The following DCAF10 variants were observed in gnomAD, a reference collection of about 807,000 sequenced individuals.
DCAF10 encodes DDB1 and CUL4 associated factor 10.
A neutral mutation model predicts 51.9 loss-of-function variants in DCAF10; 19 were observed. The observed-to-expected ratio is 0.37, with a 90% CI of 0.26 to 0.54. The LOEUF is 0.54. Ranked by LOEUF, DCAF10 falls within the 20% of genes least tolerant of loss-of-function variation. DCAF10 has a pLI of 0.87. For synonymous variants in DCAF10, 291 were observed against 297.1 expected, an observed-to-expected ratio of 0.98 and a Z score of 0.21; for missense variants, 510 against 730.6, an observed-to-expected ratio of 0.70 and a Z score of 3.48.
chr9:37,806,222 T>C (rs1053324796), intron 1 of DCAF10, among the ~76,000 whole-genome samples: 1 of 152,248 alleles, frequency 6.6e-6, no homozygotes, highest in Non-Finnish European at 1.5e-5. Context: ...AATATTGATA[T>C]GTCCATAGTG....
chr9:37,863,967 T>C lies in DCAF10; in HGVS notation c.*2459T>C, dbSNP rs1429345313. 1.3e-5 allele frequency: 2 copies of C among 152,186 alleles called. No homozygotes were observed. Among genetic ancestry groups the C allele is most frequent in the Admixed American group, 1.3e-4 (2 of 15,278 alleles). The allele number at this position is 152,186 out of a possible 1,614,324, so 9.4% of individuals were successfully genotyped here. A position where few individuals can be genotyped will look rare whatever the true frequency, so the allele number is the denominator to read the frequency against. ...GCACAGTAAATACATATACTTACCA[T>C]ACATTTTGTAAAAAACACATTTTTT... On this transcript the variant is annotated 3_prime_UTR_variant, in exon 7 of 7. Coordinates refer to ENST00000377724, the MANE Select transcript of DCAF10 (RefSeq NM_024345.5).
intron 1 of DCAF10, among the ~76,000 whole-genome samples, chr9:37,818,382 T>C (rs1401204538): frequency 1.3e-5 from 2 of 152,198 alleles, no homozygotes; most frequent in Non-Finnish European, 2.9e-5. Flanking sequence ...ATTTATTCTA[T>C]CTTATGTACG....
chr9:37,800,611 C>A, upstream of DCAF10: 2 of 1,536,150 alleles, frequency 1.3e-6, no homozygotes, highest in Non-Finnish European at 1.7e-6. Context: ...ACTCTGCCAC[C>A]CAGATCAGGT....
chr9:37,865,745 T>TCCTCAGCACATTTTATACATGTGC lies in DCAF10; in HGVS notation c.*4237_*4238insCCTCAGCACATTTTATACATGTGC. 6.6e-6 allele frequency: 1 copy of TCCTCAGCACATTTTATACATGTGC among 152,186 alleles called. No homozygotes were observed. Among genetic ancestry groups the TCCTCAGCACATTTTATACATGTGC allele is most frequent in the Non-Finnish European group, 1.5e-5 (1 of 68,034 alleles). 9.4% of individuals were successfully genotyped at this position (152,186 alleles called of 1,614,324 possible). A position where few individuals can be genotyped will look rare whatever the true frequency, so the allele number is the denominator to read the frequency against. Reference sequence around the variant, plus strand: ...TTTAAAAATGTGTGTGGGTGGTCTTTTTTCCTCAGAAGCCCAAAGCACATG... The same window carrying TCCTCAGCACATTTTATACATGTGC: ...TTTAAAAATGTGTGTGGGTGGTCTTTCCTCAGCACATTTTATACATGTGCTTTCCTCAGAAGCCCAAAGCACATG... On this transcript the variant is annotated 3_prime_UTR_variant, in exon 7 of 7. Coordinates refer to ENST00000377724, the MANE Select transcript of DCAF10 (RefSeq NM_024345.5).
chr9:37,842,065 G>T, intron 2 of DCAF10, 24 bp from the exon 3 acceptor site: 1 of 1,596,818 alleles, frequency 6.3e-7, no homozygotes, highest in South Asian at 1.1e-5. Flanking sequence ...AATGAACCAG[G>T]GTTTTGTTTT....
intron 3 of DCAF10, among the ~76,000 whole-genome samples, chr9:37,843,593 A>G (rs1262572633): frequency 6.6e-6 from 1 of 152,226 alleles, no homozygotes; most frequent in Non-Finnish European, 1.5e-5. Context: ...AAAGATAATT[A>G]TTTAAAAGAA....
At chr9:37,810,828 T>A (rs1457160872) in intron 1 of DCAF10, among the ~76,000 whole-genome samples, 1 of 152,022 alleles carries the variant, frequency 6.6e-6, no homozygotes, top group Non-Finnish European at 1.5e-5. Flanking sequence ...CAATTTAGGA[T>A]CCGCAATTTA....
chr9:37,850,824 TTTTATA>T lies in DCAF10; in HGVS notation c.852-3954_852-3949del, dbSNP rs1473461026. On this transcript the variant is annotated intron_variant, in intron 3 of 6. Transcript: ENST00000377724. Reference sequence around the variant, plus strand: ...TAAATGCTAAGTATGTGAGGATATATTTTATATATATATATATATATATATATATAT... The same window carrying T: ...TAAATGCTAAGTATGTGAGGATATATTATATATATATATATATATATATAT... Among the ~76,000 whole-genome samples the T allele has an allele frequency of 1.4e-3, 78 of 54,518 alleles. 2 individuals are homozygous for T. The highest frequency in any genetic ancestry group is 4.0e-3 in the African/African-American group (74 of 18,690). 35.8% of individuals were successfully genotyped at this position (54,518 alleles called of 152,430 possible). A position where few individuals can be genotyped will look rare whatever the true frequency, so the allele number is the denominator to read the frequency against.
At chr9:37,858,001 T>C (rs1201864712) in intron 5 of DCAF10, among the ~76,000 whole-genome samples, 1 of 152,222 alleles carries the variant, frequency 6.6e-6, no homozygotes, top group Non-Finnish European at 1.5e-5. Context: ...TATTCTTCTC[T>C]TTGTGAACTG....
At chr9:37,836,339 A>C (rs567183837) in intron 2 of DCAF10, 1 of 1,610,942 alleles carries the variant, frequency 6.2e-7, no homozygotes, top group East Asian at 2.2e-5. Context: ...AGTTACCAGA[A>C]CACATCAAGG....
At position 37,801,372 on chromosome 9, in the gene DCAF10, G is replaced by T; in HGVS notation, c.506G>T (p.Gly169Val). The T allele has an allele frequency of 6.5e-7, 1 of 1,544,474 alleles. No individual in the cohort carries two copies. Among genetic ancestry groups the T allele is most frequent in the Non-Finnish European group, 8.7e-7 (1 of 1,147,194 alleles). ...DSVYLSTRTH[G>V]AVFNLEYSPD... ...GTGTACCTCAGCACCCGCACCCACGGCGCCGTCTTCAACCTCGAGTACTCG... is the reference window on the plus strand; with the variant it reads ...GTGTACCTCAGCACCCGCACCCACGTCGCCGTCTTCAACCTCGAGTACTCG... The change falls in exon 1 of 7, where the codon GGC (glycine) becomes GTC (valine). Residue 169 changes from glycine to valine, a missense_variant. Physicochemically the swap from Gly to Val is moderately radical, Grantham distance 109. Transcript: ENST00000377724. This position sits in a 1 kb window ranked among gnomAD's most constrained non-coding sequence, Gnocchi z 5.5.
At chr9:37,855,041 G>A (rs2296209) in intron 4 of DCAF10, 59 bp downstream of exon 4, 239,184 of 1,457,264 alleles carry the variant, frequency 0.16, 21,152 homozygotes, top group African/African-American at 0.3. Flanking sequence ...CATAGAGATG[G>A]TATAGGTTTC....
rs1409052386 is a variant in DCAF10 at position 37,800,852 on chromosome 9, G to A, written c.-15G>A. On this transcript the variant is annotated 5_prime_UTR_variant, in exon 1 of 7. Transcript: ENST00000377724. ...GCGGGGCAGTGGCCCGGAGCGGGGG[G>A]CGGGGGCGTTGATCATGTTTCCCTT... is the stretch of plus-strand genomic sequence containing the variant. The A allele has an allele frequency of 6.1e-6, 9 of 1,486,796 alleles. No individual in the cohort carries two copies. The highest frequency in any genetic ancestry group is 2.3e-5 in the Admixed American group (1 of 44,174). 92.1% of individuals were successfully genotyped at this position (1,486,796 alleles called of 1,614,324 possible). A position where few individuals can be genotyped will look rare whatever the true frequency, so the allele number is the denominator to read the frequency against.
At chr9:37,828,968 T>C (rs1047977763) in intron 2 of DCAF10, among the ~76,000 whole-genome samples, 1 of 152,172 alleles carries the variant, frequency 6.6e-6, no homozygotes, top group Non-Finnish European at 1.5e-5. Context: ...AAAGCATAAA[T>C]CATTAAGGAT....
At chr9:37,846,479 C>G (rs1216384476) in intron 3 of DCAF10, among the ~76,000 whole-genome samples, 1 of 152,092 alleles carries the variant, frequency 6.6e-6, no homozygotes, top group Admixed American at 6.5e-5. Context: ...GACTTATAGA[C>G]CTACAGCAAG....
At chr9:37,847,044 A>G (rs1263816705) in intron 3 of DCAF10, among the ~76,000 whole-genome samples, 2 of 151,936 alleles carry the variant, frequency 1.3e-5, no homozygotes, top group African/African-American at 4.8e-5. Context: ...ACTTGAGGTC[A>G]GGAGTTCAAG....
intron 3 of DCAF10, among the ~76,000 whole-genome samples, chr9:37,848,917 G>A (rs755582738): frequency 2.4e-4 from 36 of 149,108 alleles, no homozygotes; most frequent in Non-Finnish European, 4.6e-4. Context: ...AGGTTCCAGT[G>A]AGTCAAGATC....
At chr9:37,855,992 AAC>A (rs1459432509) in intron 4 of DCAF10, among the ~76,000 whole-genome samples, 2 of 152,132 alleles carry the variant, frequency 1.3e-5, no homozygotes, top group Admixed American at 6.6e-5. Context: ...CTCTACGAAA[AAC>A]ACAAAAATTA....
At chr9:37,810,692 C>T (rs1317277552) in intron 1 of DCAF10, among the ~76,000 whole-genome samples, 2 of 152,132 alleles carry the variant, frequency 1.3e-5, no homozygotes, top group South Asian at 2.1e-4. Flanking sequence ...GACCTCCTGA[C>T]CTCAGGTGAT....
Sources: allele counts gnomAD v4.1 joint callset (sites outside exome capture counted in the v4.1 genomes callset), GRCh38; gene constraint gnomAD v4.1.1; non-coding constraint Gnocchi (gnomAD v3.1); transcripts MANE v1.5; gene names NCBI Gene and HGNC (gene_info 2026-07-23, HGNC 2026-07-21).